The following ATP2B2 variants were observed in gnomAD, a reference collection of about 807,000 sequenced individuals.
ATP2B2 encodes plasma membrane calcium-transporting ATPase 2.
Under a neutral mutation model 120.0 loss-of-function variants are expected in ATP2B2, and 15 were observed. The ratio of observed to expected loss-of-function variants is 0.12; its 90% CI spans 0.08 to 0.19. The LOEUF is 0.19. Among genes scored for constraint, ATP2B2 ranks in the 10% least tolerant of loss-of-function variants. The pLI is 1.00. For missense variants in ATP2B2, 1,045 were observed against 1,719.8 expected (o/e 0.61, Z 6.94); for synonymous variants, 694 against 700.3 (o/e 0.99, Z 0.14).
In ATP2B2 at chr3:10,579,845, C is replaced by CAAAACAAAACAAAACA. The variant is rs137955154; in HGVS notation, c.-415+40071_-415+40072insTGTTTTGTTTTGTTTT. Among the ~76,000 whole-genome samples the CAAAACAAAACAAAACA allele has an allele frequency of 7.7e-3, 1,161 of 150,610 alleles. 6 individuals are homozygous for CAAAACAAAACAAAACA. The highest frequency in any genetic ancestry group is 0.034 in the Middle Eastern group (10 of 294). Reference sequence around the variant, plus strand: ...CAAAACAAAACAAAACAAAACAAAACAAAGAAACAGACCCAGAAGGTGGGC... The same window carrying CAAAACAAAACAAAACA: ...CAAAACAAAACAAAACAAAACAAAACAAAACAAAACAAAACAAAAGAAACAGACCCAGAAGGTGGGC... On this transcript the variant is annotated intron_variant, in intron 2 of 21. Transcript: ENST00000646379.
chr3:10,492,563 T>C (rs573833), intron 1 of ATP2B2, among the ~76,000 whole-genome samples: 82,159 of 152,000 alleles, frequency 0.54, 22,746 homozygotes, highest in East Asian at 0.82. Flanking sequence ...TTGTTCCAGA[T>C]GAGCTTCTGT....
At chr3:10,606,417 C>G (rs2069068410) in intron 2 of ATP2B2, among the ~76,000 whole-genome samples, 1 of 152,132 alleles carries the variant, frequency 6.6e-6, no homozygotes, top group South Asian at 2.1e-4. Context: ...GTAGTCCGCA[C>G]CATCTAACCC....
At chr3:10,497,649 G>T (rs1392736661) in intron 1 of ATP2B2, among the ~76,000 whole-genome samples, 2 of 152,228 alleles carry the variant, frequency 1.3e-5, no homozygotes, top group Admixed American at 1.3e-4. Context: ...TAAGAAACTT[G>T]TGCTGGGTCA....
intron 1 of ATP2B2, among the ~76,000 whole-genome samples, chr3:10,473,457 C>A (rs186586914): frequency 0.013 from 2,052 of 152,226 alleles, 49 homozygotes; most frequent in African/African-American, 0.045. Flanking sequence ...CATGGTGAAA[C>A]CCTGTCTCTA....
At chr3:10,557,057 A>G (rs562960200) in intron 2 of ATP2B2, among the ~76,000 whole-genome samples, 33 of 152,242 alleles carry the variant, frequency 2.2e-4, no homozygotes, top group African/African-American at 7.7e-4. Flanking sequence ...CTGTCCTGCC[A>G]TGAGTCACTC....
At chr3:10,560,782 C>G (rs1037257671) in intron 2 of ATP2B2, among the ~76,000 whole-genome samples, 8 of 152,146 alleles carry the variant, frequency 5.3e-5, no homozygotes, top group African/African-American at 1.9e-4. Context: ...CACATTGTAG[C>G]TTACATCCAT....
At chr3:10,584,543 A>T (rs2068463526) in intron 2 of ATP2B2, among the ~76,000 whole-genome samples, 1 of 152,158 alleles carries the variant, frequency 6.6e-6, no homozygotes, top group African/African-American at 2.4e-5. Context: ...CACAGGTCAC[A>T]GTCCCGAATG....
Position 10,325,338 on chromosome 3 carries a change from C to T in ATP2B2, c.*3476G>A, listed in dbSNP as rs1329052575. 1 of 152,184 alleles carries T rather than the reference C, an allele frequency of 6.6e-6. No homozygotes were observed. Among genetic ancestry groups the T allele is most frequent in the Non-Finnish European group, 1.5e-5 (1 of 68,034 alleles). The allele number at this position is 152,184 out of a possible 1,614,324, so 9.4% of individuals were successfully genotyped here. A position where few individuals can be genotyped will look rare whatever the true frequency, so the allele number is the denominator to read the frequency against. On this transcript the variant is annotated 3_prime_UTR_variant, in exon 23 of 23. Transcript: ENST00000360273. ...GGACTCATCCCACCACATAATAAGA[C>T]ATTAGAAATTGACAATAGTTAAAAT...
chr3:10,334,223 C>T (rs757537124), intron 22 of ATP2B2, among the ~76,000 whole-genome samples: 4 of 152,196 alleles, frequency 2.6e-5, no homozygotes, highest in Non-Finnish European at 5.9e-5. Flanking sequence ...AAGAAAGAGG[C>T]TCAACTGGGA....
chr3:10,584,319 G>T (rs1467679970), intron 2 of ATP2B2, among the ~76,000 whole-genome samples: 2 of 152,176 alleles, frequency 1.3e-5, no homozygotes, highest in African/African-American at 4.8e-5. Context: ...GGAACACCTG[G>T]AGTCCAGCTA....
chr3:10,616,782 AT>A (rs2069400618), intron 2 of ATP2B2, among the ~76,000 whole-genome samples: 1 of 152,170 alleles, frequency 6.6e-6, no homozygotes, highest in Non-Finnish European at 1.5e-5. Flanking sequence ...ACTAGGGGAA[AT>A]TTAGAAAGTG....
At chr3:10,464,246 C>A (rs1437705549) in intron 1 of ATP2B2, among the ~76,000 whole-genome samples, 2 of 152,156 alleles carry the variant, frequency 1.3e-5, no homozygotes, top group African/African-American at 4.8e-5. Context: ...CGAGTCCTCG[C>A]GACAGAAGGG....
intron 1 of ATP2B2, among the ~76,000 whole-genome samples, chr3:10,495,911 G>A (rs1349255311): frequency 6.6e-6 from 1 of 152,226 alleles, no homozygotes; most frequent in Non-Finnish European, 1.5e-5. Context: ...CCTTCTACCT[G>A]GGGCTGCCTC....
At chr3:10,686,072 G>A (rs117023055) in intron 1 of ATP2B2, among the ~76,000 whole-genome samples, 1,229 of 119,310 alleles carry the variant, frequency 0.01, 18 homozygotes, top group South Asian at 0.051. Flanking sequence ...TTTTTGAGAC[G>A]GTCCTCCTTT....
At chr3:10,386,093 C>A (rs559340673) in intron 7 of ATP2B2, among the ~76,000 whole-genome samples, 13 of 152,192 alleles carry the variant, frequency 8.5e-5, no homozygotes, top group East Asian at 7.7e-4. Context: ...AGAGGCCCCA[C>A]TGGGTGAAGC....
intron 2 of ATP2B2, among the ~76,000 whole-genome samples, chr3:10,549,162 G>A (rs550430487): frequency 6.6e-6 from 1 of 152,304 alleles, no homozygotes; most frequent in East Asian, 1.9e-4. Flanking sequence ...TTTGTTGTCT[G>A]TCAAATGGAG....
intron 2 of ATP2B2, among the ~76,000 whole-genome samples, chr3:10,572,014 T>C (rs2068139504): frequency 6.6e-6 from 1 of 152,184 alleles, no homozygotes; most frequent in African/African-American, 2.4e-5. Flanking sequence ...ACTTGCTCTG[T>C]CCAACAGAAC....
intron 2 of ATP2B2, among the ~76,000 whole-genome samples, chr3:10,585,425 C>A (rs751931412): frequency 2.2e-5 from 3 of 135,246 alleles, no homozygotes; most frequent in Non-Finnish European, 4.6e-5. Context: ...ACCCGGGAGG[C>A]GGAACTTGCA....
intron 2 of ATP2B2, among the ~76,000 whole-genome samples, chr3:10,585,616 G>A (rs1363766881): frequency 6.6e-6 from 1 of 150,832 alleles, no homozygotes; most frequent in African/African-American, 2.4e-5. Context: ...TCTCTCTACT[G>A]GCCTTCTTTC....
Sources: allele counts gnomAD v4.1 joint callset (sites outside exome capture counted in the v4.1 genomes callset), GRCh38; gene constraint gnomAD v4.1.1; transcripts MANE v1.5; gene names NCBI Gene and HGNC (gene_info 2026-07-23, HGNC 2026-07-21).